Variants in RFWD3 observed in about 807,000 individuals in gnomAD.
RFWD3 encodes E3 ubiquitin-protein ligase RFWD3.
In RFWD3, 65 loss-of-function variants were observed where a neutral mutation model predicts 87.7. That is an observed-to-expected ratio of 0.74 (90% CI 0.61 to 0.91). The LOEUF (loss-of-function observed/expected upper bound fraction) is 0.91. Among genes scored for constraint, RFWD3 ranks in the 40% least tolerant of loss-of-function variants. The pLI is 0.00. For synonymous variants in RFWD3, 433 were observed against 352.8 expected (o/e 1.23, Z -2.55); for missense variants, 1,078 against 938.5 (o/e 1.15, Z -1.94).
chr16:74,638,855 A>G (rs1422006293), intron 6 of RFWD3, among the ~76,000 whole-genome samples: 1 of 152,182 alleles, frequency 6.6e-6, no homozygotes, highest in African/African-American at 2.4e-5. Context: ...CGTCATGTAA[A>G]CATTACAGAA....
At chr16:74,642,017 A>G (rs78664779) in intron 6 of RFWD3, among the ~76,000 whole-genome samples, 1 of 152,090 alleles carries the variant, frequency 6.6e-6, no homozygotes, top group South Asian at 2.1e-4. Flanking sequence ...TTACAAATAC[A>G]TATATAGCTA....
chr16:74,652,273 G>T (rs1328268959), intron 2 of RFWD3, 151 bp from the exon 3 acceptor site: 8 of 653,320 alleles, frequency 1.2e-5, no homozygotes, highest in African/African-American at 1.8e-5. Context: ...TAGCAGATAA[G>T]GGGGGGAGAC....
In RFWD3 at chr16:74,648,729, C is replaced by T. The variant is rs562557874; in HGVS notation, c.792+403G>A. Among the ~76,000 whole-genome samples the T allele has an allele frequency of 8.9e-4, 134 of 151,268 alleles. 1 individual carries two copies. Among genetic ancestry groups the T allele is most frequent in the African/African-American group, 2.7e-3 (112 of 41,228 alleles). ...AGAGGTTATTGTGGTGAGCTGAGAT[C>T]GCACCACCGCACTCCACCCTGGGCA... On this transcript the variant is annotated intron_variant, in intron 4 of 12. Transcript: ENST00000361070.
At chr16:74,654,141 C>A (rs9929355) in intron 2 of RFWD3, among the ~76,000 whole-genome samples, 299 of 152,068 alleles carry the variant, frequency 2.0e-3, no homozygotes, top group African/African-American at 6.9e-3. Context: ...CAGTCATTTC[C>A]CCTCCTATTT....
Position 74,628,501 on chromosome 16 carries a change from G to A in RFWD3, c.1920C>T (p.Asp640=). ...VLPLEPGGCI[D]FQTENSSRHC... is the part of the protein sequence containing the mutation. ...GCCGGGAGCTGTTCTCTGTCTGAAA[G>A]TCTATGCAGCCCCCTGGCTCCAAGG... The change falls in exon 11 of 13, where the codon GAC becomes GAT. Residue 640 remains aspartate, a synonymous_variant. Transcript: ENST00000361070. 1.2e-6 allele frequency: 2 copies of A among 1,614,186 alleles called. No homozygotes were observed. Among genetic ancestry groups the A allele is most frequent in the Non-Finnish European group, 1.7e-6 (2 of 1,180,036 alleles).
intron 4 of RFWD3, among the ~76,000 whole-genome samples, chr16:74,648,384 A>G (rs925618929): frequency 2.0e-5 from 3 of 150,976 alleles, no homozygotes; most frequent in Admixed American, 2.0e-4. Context: ...CAAACTCCCT[A>G]CTTCAGGTGA....
intron 4 of RFWD3, among the ~76,000 whole-genome samples, chr16:74,645,646 C>T (rs1197366493): frequency 6.6e-6 from 1 of 152,006 alleles, no homozygotes; most frequent in Non-Finnish European, 1.5e-5. Context: ...AGCCACTGCG[C>T]CCAGCCTGGT....
intron 3 of RFWD3, among the ~76,000 whole-genome samples, chr16:74,650,873 T>C (rs373886910): frequency 6.6e-6 from 1 of 150,674 alleles, no homozygotes; most frequent in South Asian, 2.1e-4. Flanking sequence ...TGTAACCCTG[T>C]CTCAAAAAAA....
intron 7 of RFWD3, 136 bp downstream of exon 7, chr16:74,637,720 A>C: frequency 1.6e-6 from 1 of 611,968 alleles, no homozygotes; most frequent in East Asian, 3.0e-5. Flanking sequence ...ATCAGAAATA[A>C]AATAAGGAGT....
intron 1 of RFWD3, among the ~76,000 whole-genome samples, chr16:74,665,542 C>T (rs1941191249): frequency 6.6e-6 from 1 of 151,600 alleles, no homozygotes; most frequent in Non-Finnish European, 1.5e-5. Flanking sequence ...CGCACCACTG[C>T]ACTCCAGCAG....
In RFWD3 at chr16:74,621,942, T is replaced by G. The variant is rs1958783296; in HGVS notation, c.*1986A>C. The G allele has an allele frequency of 6.6e-6, 1 of 152,170 alleles. No individual in the cohort carries two copies. Among genetic ancestry groups the G allele is most frequent in the Admixed American group, 6.6e-5 (1 of 15,262 alleles). 9.4% of individuals were successfully genotyped at this position (152,170 alleles called of 1,614,324 possible). On this transcript the variant is annotated 3_prime_UTR_variant, in exon 13 of 13. Transcript: ENST00000361070. Reference sequence around the variant, plus strand: ...GGCTTTTTTTCTTTGGAGAAATCACTCACGATCGTATGAATTTGCTTCCAA... The same window carrying G: ...GGCTTTTTTTCTTTGGAGAAATCACGCACGATCGTATGAATTTGCTTCCAA...
intron 12 of RFWD3, among the ~76,000 whole-genome samples, chr16:74,624,645 C>T (rs1344405208): frequency 6.6e-6 from 1 of 152,200 alleles, no homozygotes; most frequent in African/African-American, 2.4e-5. Flanking sequence ...GATCCACCCA[C>T]CTTGGCCTCC....
At chr16:74,624,902 T>C (rs138528783) in intron 12 of RFWD3, among the ~76,000 whole-genome samples, 2,044 of 152,154 alleles carry the variant, frequency 0.013, 21 homozygotes, top group Middle Eastern at 0.027. Flanking sequence ...TGAAGGAGGA[T>C]TGCTTAAGCT....
intron 4 of RFWD3, 50 bp from the exon 5 acceptor site, chr16:74,644,785 C>T (rs534946963): frequency 3.2e-6 from 5 of 1,545,830 alleles, no homozygotes; most frequent in Admixed American, 3.9e-5. Context: ...TAAAATCAAT[C>T]TTGAAGAAGA....
At chr16:74,665,685 G>A (rs111322001) in intron 1 of RFWD3, among the ~76,000 whole-genome samples, 19,281 of 152,234 alleles carry the variant, frequency 0.13, 1,489 homozygotes, top group Admixed American at 0.24. Flanking sequence ...CCTGGGGCCC[G>A]GGAGTTCGAG....
intron 10 of RFWD3, among the ~76,000 whole-genome samples, 186 bp downstream of exon 10, chr16:74,630,595 A>T (rs375452342): frequency 2.4e-4 from 37 of 152,356 alleles, no homozygotes; most frequent in African/African-American, 8.9e-4. Context: ...CCATCATATG[A>T]AATAGCATGA....
intron 8 of RFWD3, among the ~76,000 whole-genome samples, chr16:74,634,181 T>C (rs564012368): frequency 1.1e-4 from 17 of 152,078 alleles, no homozygotes; most frequent in African/African-American, 3.4e-4. Context: ...TAGTGAACAA[T>C]AGAGAATGAA....
intron 2 of RFWD3, among the ~76,000 whole-genome samples, chr16:74,659,793 A>C (rs1283935129): frequency 6.6e-6 from 1 of 152,222 alleles, no homozygotes; most frequent in Non-Finnish European, 1.5e-5. Context: ...CAGCCTTATC[A>C]CAACCAAATC....
chr16:74,658,929 G>A (rs926043554), intron 2 of RFWD3, among the ~76,000 whole-genome samples: 5 of 151,924 alleles, frequency 3.3e-5, no homozygotes, highest in East Asian at 1.9e-4. Flanking sequence ...CACCACGCCC[G>A]GCTAATTTTT....
Sources: allele counts gnomAD v4.1 joint callset (sites outside exome capture counted in the v4.1 genomes callset), GRCh38; gene constraint gnomAD v4.1.1; transcripts MANE v1.5; gene names NCBI Gene and HGNC (gene_info 2026-07-23, HGNC 2026-07-21).